Variants in DDX6 observed in about 807,000 individuals in gnomAD.
The protein encoded by DDX6 is DEAD-box helicase 6, also known as probable ATP-dependent RNA helicase DDX6.
DDX6 carries 7 observed loss-of-function variants against 60.6 expected under a neutral mutation model. The ratio of observed to expected loss-of-function variants is 0.12; its 90% confidence interval spans 0.07 to 0.22. The LOEUF (loss-of-function observed/expected upper bound fraction) is 0.22, where lower values mean the gene tolerates loss of function less well. Among genes scored for constraint, DDX6 ranks in the 10% least tolerant of loss-of-function variants. The pLI is 1.00. For synonymous variants in DDX6, 207 were observed against 201.0 expected (o/e 1.03, Z -0.25); for missense variants, 270 against 589.9 (o/e 0.46, Z 5.62).
At chr11:118,773,235 C>G (rs1861592984) in intron 4 of DDX6, among the ~76,000 whole-genome samples, 1 of 152,178 alleles carries the variant, frequency 6.6e-6, no homozygotes, top group African/African-American at 2.4e-5. Context: ...TGACTGCTTC[C>G]TCTTATTTTC....
intron 8 of DDX6, among the ~76,000 whole-genome samples, chr11:118,759,642 A>G (rs781897793): frequency 2.0e-5 from 3 of 152,212 alleles, no homozygotes; most frequent in Non-Finnish European, 4.4e-5. Context: ...TGTATATAGA[A>G]TAATACCGGA....
rs1860743098 is a variant in DDX6, at chr11:118,751,003, T to G, written c.*1102A>C. 6.6e-6 allele frequency: 1 copy of G among 151,042 alleles called. No homozygotes were observed. Among genetic ancestry groups the G allele is most frequent in the Non-Finnish European group, 1.5e-5 (1 of 67,824 alleles). 9.4% of individuals were successfully genotyped at this position (151,042 alleles called of 1,614,324 possible). ...CTGAGCCCCTCTCATCTTTAGCTGC[T>G]CCCATAATCACTCTAATCCCCTTAA... On this transcript the variant is annotated 3_prime_UTR_variant, in exon 14 of 14. Coordinates refer to ENST00000534980, the MANE Select transcript of DDX6 (RefSeq NM_004397.6).
chr11:118,747,901 G>GGCCCCCC lies in DDX6; in HGVS notation c.*4203_*4204insGGGGGGC, dbSNP rs1352818982. 3.0e-5 allele frequency: 3 copies of GGCCCCCC among 101,138 alleles called. No homozygotes were observed. Among genetic ancestry groups the GGCCCCCC allele is most frequent in the Non-Finnish European group, 3.9e-5 (2 of 51,572 alleles). The allele number at this position is 101,138 out of a possible 1,614,324, so 6.3% of individuals were successfully genotyped here. A position where few individuals can be genotyped will look rare whatever the true frequency, so the allele number is the denominator to read the frequency against. ...CATAACACATCCCAACAAAAACAGA[G>GGCCCCCC]CCCCCCCCCCCCCCACTGGAACATC... is the stretch of plus-strand genomic sequence containing the variant. On this transcript the variant is annotated 3_prime_UTR_variant, in exon 14 of 14. Coordinates refer to ENST00000534980, the MANE Select transcript of DDX6 (RefSeq NM_004397.6).
chr11:118,779,239 A>C (rs189241468), intron 4 of DDX6, among the ~76,000 whole-genome samples: 9 of 152,250 alleles, frequency 5.9e-5, no homozygotes, highest in Admixed American at 2.6e-4. Context: ...AAGAAGAACA[A>C]ACACTAGGGA....
At chr11:118,783,432 T>C (rs1339925308) in intron 2 of DDX6, among the ~76,000 whole-genome samples, 1 of 152,114 alleles carries the variant, frequency 6.6e-6, no homozygotes, top group Non-Finnish European at 1.5e-5. Flanking sequence ...CAAGTGATCT[T>C]CCCACCTCAG....
At chr11:118,782,283 T>A (rs782404611) in intron 2 of DDX6, among the ~76,000 whole-genome samples, 2 of 152,158 alleles carry the variant, frequency 1.3e-5, no homozygotes, top group African/African-American at 2.4e-5. Flanking sequence ...CCAATGAGCA[T>A]CTCTTAATCT....
intron 7 of DDX6, among the ~76,000 whole-genome samples, chr11:118,761,918 A>C (rs1555160301): frequency 6.6e-6 from 1 of 151,786 alleles, no homozygotes; most frequent in East Asian, 1.9e-4. Flanking sequence ...CCCAGTGATT[A>C]ATAAATGTTC....
Position 118,749,581 on chromosome 11 carries a change from C to T in DDX6, c.*2524G>A, listed in dbSNP as rs1860682856. 1.3e-5 allele frequency: 2 copies of T among 152,614 alleles called. No homozygotes were observed. Among genetic ancestry groups the T allele is most frequent in the South Asian group, 2.1e-4 (1 of 4,826 alleles). The allele number at this position is 152,614 out of a possible 1,614,324, so 9.5% of individuals were successfully genotyped here. On this transcript the variant is annotated 3_prime_UTR_variant, in exon 14 of 14. Coordinates refer to ENST00000534980, the MANE Select transcript of DDX6 (RefSeq NM_004397.6). ...AAGTCTGTGCTTTAAGAGGGACCCACAGGCATGTGGCACCACGCAGTCTAA... is the reference window on the plus strand; with the variant it reads ...AAGTCTGTGCTTTAAGAGGGACCCATAGGCATGTGGCACCACGCAGTCTAA...
chr11:118,755,013 A>G, intron 12 of DDX6, 126 bp from the exon 13 acceptor site: 1 of 867,002 alleles, frequency 1.2e-6, no homozygotes, highest in Non-Finnish European at 1.7e-6. Context: ...TTAGTATGCA[A>G]AACAACTTCT....
chr11:118,754,206 G>A (rs919079432), intron 13 of DDX6, among the ~76,000 whole-genome samples: 1 of 152,224 alleles, frequency 6.6e-6, no homozygotes, highest in African/African-American at 2.4e-5. Flanking sequence ...AAGGCAGGAG[G>A]ACTGCTGGAG....
At chr11:118,752,423 T>G (rs1464333271) in intron 13 of DDX6, among the ~76,000 whole-genome samples, 3 of 152,158 alleles carry the variant, frequency 2.0e-5, no homozygotes, top group Admixed American at 2.0e-4. Flanking sequence ...TCCAAGAGTT[T>G]GTGTTTGATG....
intron 6 of DDX6, among the ~76,000 whole-genome samples, chr11:118,764,246 G>A (rs1555160881): frequency 6.6e-6 from 1 of 152,104 alleles, no homozygotes. Flanking sequence ...AATTTTATAT[G>A]AGTGATCTCA....
chr11:118,762,273 CAA>C (rs782743103), intron 7 of DDX6, among the ~76,000 whole-genome samples: 1 of 131,862 alleles, frequency 7.6e-6, no homozygotes. Context: ...GAGTCTGTCT[CAA>C]AAAAAAAAAA....
At chr11:118,791,281 CGCGGCT>C (rs1862270721), upstream of DDX6, 1 of 152,054 alleles carries the variant, frequency 6.6e-6, no homozygotes, top group Non-Finnish European at 1.5e-5. Context: ...CCTCGGCCGC[CGCGGCT>C]ATATTCGCCG....
At chr11:118,778,941 G>T (rs557244899) in intron 4 of DDX6, among the ~76,000 whole-genome samples, 4 of 151,976 alleles carry the variant, frequency 2.6e-5, no homozygotes, top group African/African-American at 9.7e-5. Flanking sequence ...GCACTATGGC[G>T]AACCCAGGAG....
intron 7 of DDX6, among the ~76,000 whole-genome samples, chr11:118,760,789 C>G (rs1555159979): frequency 6.8e-6 from 1 of 146,258 alleles, no homozygotes; most frequent in East Asian, 2.0e-4. Context: ...CCACTGCACT[C>G]CAGCCTAGGC....
intron 5 of DDX6, 25 bp from the exon 6 acceptor site, chr11:118,765,380 A>T (rs782781885): frequency 6.2e-7 from 1 of 1,612,824 alleles, no homozygotes; most frequent in East Asian, 2.2e-5. Flanking sequence ...AGGAATATAT[A>T]AGAAAATATG....
At chr11:118,772,574 G>C (rs1861569844) in intron 4 of DDX6, among the ~76,000 whole-genome samples, 1 of 152,100 alleles carries the variant, frequency 6.6e-6, no homozygotes, top group South Asian at 2.1e-4. Flanking sequence ...TGTGGTAATG[G>C]TTGCAGAACT....
intron 4 of DDX6, among the ~76,000 whole-genome samples, chr11:118,777,584 T>C (rs1861742002): frequency 6.6e-6 from 1 of 152,028 alleles, no homozygotes; most frequent in Non-Finnish European, 1.5e-5. Flanking sequence ...GCCTGCATCA[T>C]GATATGTCAA....
Sources: gnomAD v4.1 joint callset for allele counts (sites outside exome capture counted in the v4.1 genomes callset) on GRCh38, gnomAD v4.1.1 for gene constraint, MANE v1.5 for transcripts, NCBI Gene and HGNC (gene_info 2026-07-23, HGNC 2026-07-21) for gene names.